CDK14: variants seen among roughly 807,000 people sequenced by gnomAD.
CDK14 encodes the protein cyclin dependent kinase 14, also known as cyclin-dependent kinase 14.
In CDK14, 34 loss-of-function variants were observed where a neutral mutation model predicts 60.7. The ratio of observed to expected loss-of-function variants is 0.56; its 90% CI spans 0.43 to 0.75. CDK14 has a LOEUF of 0.75. Ranked by LOEUF, CDK14 falls within the 30% of genes least tolerant of loss-of-function variation. The pLI is 0.00. For synonymous variants in CDK14, 197 were observed against 203.7 expected (o/e 0.97, Z 0.28); for missense variants, 482 against 564.1 (o/e 0.85, Z 1.47).
chr7:90,658,614 T>C (rs1284282007), intron 2 of CDK14, among the ~76,000 whole-genome samples: 1 of 152,224 alleles, frequency 6.6e-6, no homozygotes, highest in African/African-American at 2.4e-5. Flanking sequence ...GGTACATCCT[T>C]GTTGTAGCGT....
At chr7:90,699,783 G>A (rs779371469) in intron 2 of CDK14, among the ~76,000 whole-genome samples, 4 of 152,138 alleles carry the variant, frequency 2.6e-5, no homozygotes, top group Non-Finnish European at 5.9e-5. Flanking sequence ...GCCCTTAGAC[G>A]GAACTAGTTA....
intron 10 of CDK14, among the ~76,000 whole-genome samples, chr7:90,994,727 C>T (rs1317670601): frequency 6.6e-6 from 1 of 152,160 alleles, no homozygotes; most frequent in Non-Finnish European, 1.5e-5. Context: ...CTTCGTGGGT[C>T]ATGAGGTCCC....
intron 2 of CDK14, among the ~76,000 whole-genome samples, chr7:90,719,543 C>A (rs749617081): frequency 4.1e-4 from 63 of 152,100 alleles, no homozygotes; most frequent in Non-Finnish European, 7.1e-4. Flanking sequence ...ACTTTTGGAG[C>A]CTCATACACT....
At chr7:90,734,192 G>A (rs1282912890) in intron 3 of CDK14, among the ~76,000 whole-genome samples, 1 of 152,182 alleles carries the variant, frequency 6.6e-6, no homozygotes, top group East Asian at 1.9e-4. Flanking sequence ...TTAGTCTGAT[G>A]GGCTTCTCTT....
intron 9 of CDK14, among the ~76,000 whole-genome samples, chr7:90,973,751 G>A (rs559416595): frequency 1.3e-5 from 2 of 152,080 alleles, no homozygotes; most frequent in East Asian, 3.9e-4. Context: ...TTTGAAAGGA[G>A]AGGGGGTGTA....
intron 4 of CDK14, among the ~76,000 whole-genome samples, chr7:90,750,220 A>G (rs1346102145): frequency 6.6e-6 from 1 of 152,068 alleles, no homozygotes; most frequent in African/African-American, 2.4e-5. Context: ...TTACAGAGAA[A>G]GAAAAAGAAA....
At chr7:90,940,865 A>G (rs886899623) in intron 8 of CDK14, among the ~76,000 whole-genome samples, 2 of 152,096 alleles carry the variant, frequency 1.3e-5, no homozygotes, top group African/African-American at 2.4e-5. Context: ...CTATCTATGT[A>G]TATATATGAT....
intron 7 of CDK14, among the ~76,000 whole-genome samples, chr7:90,914,661 T>G (rs150896159): frequency 3.4e-4 from 52 of 152,332 alleles, no homozygotes; most frequent in Non-Finnish European, 6.2e-4. Flanking sequence ...TCTCTAGTAC[T>G]GCTTTTTAAA....
intron 12 of CDK14, among the ~76,000 whole-genome samples, chr7:91,097,631 A>T (rs1308394121): frequency 6.6e-6 from 1 of 150,968 alleles, no homozygotes; most frequent in Non-Finnish European, 1.5e-5. Context: ...CTATAGATGG[A>T]ATGATACAGG....
chr7:90,724,951 T>C (rs1802583460), intron 2 of CDK14, among the ~76,000 whole-genome samples: 1 of 152,300 alleles, frequency 6.6e-6, no homozygotes, highest in African/African-American at 2.4e-5. Flanking sequence ...TTTTTGATCA[T>C]GACTAGAGGA....
At chr7:91,139,982 C>G (rs534654099) in intron 14 of CDK14, among the ~76,000 whole-genome samples, 1 of 152,160 alleles carries the variant, frequency 6.6e-6, no homozygotes, top group East Asian at 1.9e-4. Context: ...ACAACCAGGA[C>G]AACACTGAAT....
intron 10 of CDK14, among the ~76,000 whole-genome samples, chr7:90,986,922 G>C (rs1430195334): frequency 1.3e-5 from 2 of 151,816 alleles, no homozygotes; most frequent in Non-Finnish European, 2.9e-5. Context: ...GTATTTGAAA[G>C]CAGAAAACTT....
At chr7:90,794,292 C>T (rs980394579) in intron 5 of CDK14, among the ~76,000 whole-genome samples, 6 of 152,086 alleles carry the variant, frequency 3.9e-5, no homozygotes, top group African/African-American at 2.4e-5. Context: ...GTTTCGGGCA[C>T]GCATTGTCAT....
At chr7:90,706,477 CAGG>C (rs1363110633) in intron 2 of CDK14, among the ~76,000 whole-genome samples, 1 of 152,136 alleles carries the variant, frequency 6.6e-6, no homozygotes, top group African/African-American at 2.4e-5. Flanking sequence ...TGGGGAAACA[CAGG>C]AGAACAAACG....
chr7:90,604,283 AT>A, intron 2 of CDK14, 34 bp downstream of exon 2: 2 of 1,384,034 alleles, frequency 1.4e-6, no homozygotes, highest in Non-Finnish European at 2.0e-6. Flanking sequence ...TGTTAGATGT[AT>A]TTAATGACTA....
intron 13 of CDK14, among the ~76,000 whole-genome samples, chr7:91,116,677 T>C (rs973550241): frequency 6.6e-6 from 1 of 152,196 alleles, no homozygotes; most frequent in Non-Finnish European, 1.5e-5. Context: ...CAGGCTTTTG[T>C]GTCCACAACG....
intron 14 of CDK14, among the ~76,000 whole-genome samples, chr7:91,151,676 T>G (rs1800831917): frequency 6.6e-6 from 1 of 152,220 alleles, no homozygotes; most frequent in Non-Finnish European, 1.5e-5. Flanking sequence ...AAAAGGTCAC[T>G]TGTGTTCATT....
At chr7:91,123,628 C>G (rs1799850675) in intron 14 of CDK14, among the ~76,000 whole-genome samples, 1 of 152,122 alleles carries the variant, frequency 6.6e-6, no homozygotes, top group African/African-American at 2.4e-5. Context: ...CCCACCTTAC[C>G]TTAGCTTCCT....
chr7:91,084,650 G>C (rs1431205923), intron 12 of CDK14, among the ~76,000 whole-genome samples: 1 of 152,164 alleles, frequency 6.6e-6, no homozygotes, highest in Non-Finnish European at 1.5e-5. Context: ...ATAACCCCTG[G>C]TGATGGCCAA....
Sources: gnomAD v4.1 joint callset for allele counts (sites outside exome capture counted in the v4.1 genomes callset) on GRCh38, gnomAD v4.1.1 for gene constraint, MANE v1.5 for transcripts, NCBI Gene and HGNC (gene_info 2026-07-23, HGNC 2026-07-21) for gene names.